DGAT2L6: variants seen among roughly 807,000 people sequenced by gnomAD.
DGAT2L6 encodes the protein diacylglycerol O-acyltransferase 2-like protein 6.
A neutral mutation model predicts 25.5 loss-of-function variants in DGAT2L6; 22 were observed. The ratio of observed to expected loss-of-function variants is 0.86; its 90% CI spans 0.62 to 1.23. The LOEUF is 1.23. DGAT2L6 is among the 50% of genes most tolerant of loss of function. The pLI is 0.00. For missense variants in DGAT2L6, 287 were observed against 253.2 expected (o/e 1.13, Z -0.91); for synonymous variants, 100 against 94.7 (o/e 1.06, Z -0.32).
intron 1 of DGAT2L6, among the ~76,000 whole-genome samples, chrX:70,179,792 TGC>T (rs1254096917): frequency 9.1e-6 from 1 of 109,922 alleles, no homozygotes; most frequent in Non-Finnish European, 1.9e-5. Flanking sequence ...GTTCTCAAAC[TGC>T]TGACCTCAGG....
chrX:70,196,721 G>C (rs2085393268), intron 1 of DGAT2L6, among the ~76,000 whole-genome samples: 1 of 110,630 alleles, frequency 9.0e-6, no homozygotes, highest in African/African-American at 3.3e-5. Context: ...GATAGACACA[G>C]ATTAGGAGAA....
intron 1 of DGAT2L6, among the ~76,000 whole-genome samples, chrX:70,198,516 T>TTTGTTG (rs201445481): frequency 9.1e-6 from 1 of 110,097 alleles, no homozygotes; most frequent in Non-Finnish European, 1.9e-5. Context: ...GTAGGGCAGT[T>TTTGTTG]TTGTTGTTGT....
intron 1 of DGAT2L6, among the ~76,000 whole-genome samples, chrX:70,181,872 A>G (rs2085344289): frequency 8.9e-6 from 1 of 111,998 alleles, no homozygotes; most frequent in African/African-American, 3.2e-5. Flanking sequence ...CATCAGACTT[A>G]GATGGCAATT....
chrX:70,199,312 A>T lies in DGAT2L6; in HGVS notation c.127A>T (p.Ser43Cys), dbSNP rs1428089152. The stretch of plus-strand genomic sequence containing the variant: ...CCTTATACCCTACTTTCTGTTATTC[A>T]GTAAGTTCTGGCCCTTGGCTGTGCT... ...ILLIPYFLLF[S>C]KFWPLAVLSL... Residue 43 changes from serine to cysteine, a missense_variant, in exon 2 of 7, where the codon AGT (serine) becomes TGT (cysteine). Physicochemically the swap from Ser to Cys is moderately radical, Grantham distance 112. Transcript: ENST00000333026. 1 of 1,195,005 alleles carries T rather than the reference A, an allele frequency of 8.4e-7. No individual in the cohort carries two copies.
rs754214922 is a variant in DGAT2L6, at chrX:70,192,044, G to A, written c.86-7227G>A. On this transcript the variant is annotated intron_variant, in intron 1 of 6. Transcript: ENST00000333026. ...GGAGGATTGCTTGAGGCCAGTTTGA[G>A]ACCAGCTGGGGCAACATAGTGAGAC... Among the ~76,000 whole-genome samples the A allele has an allele frequency of 4.5e-5, 5 of 111,487 alleles. No homozygotes were observed. The South Asian group carries it at 1.9e-3, about 43-fold the overall frequency.
At chrX:70,200,586 C>T (rs5980904) in intron 4 of DGAT2L6, 127 bp downstream of exon 4, 156 of 605,958 alleles carry the variant, frequency 2.6e-4, no homozygotes, top group African/African-American at 2.3e-3. Flanking sequence ...ACCCTGGGCC[C>T]GTAACAGGAG....
intron 1 of DGAT2L6, among the ~76,000 whole-genome samples, chrX:70,195,829 T>C (rs2085389370): frequency 9.0e-6 from 1 of 111,721 alleles, no homozygotes; most frequent in African/African-American, 3.3e-5. Context: ...AGGAAAAATT[T>C]GTCAAAGGGC....
intron 5 of DGAT2L6, 87 bp downstream of exon 5, chrX:70,202,151 T>C (rs2085412952): frequency 2.3e-6 from 2 of 856,256 alleles, no homozygotes; most frequent in African/African-American, 4.3e-5. Flanking sequence ...CCTGGGCACC[T>C]GTTAGAGGGC....
intron 1 of DGAT2L6, among the ~76,000 whole-genome samples, chrX:70,194,307 T>C (rs2085384285): frequency 8.9e-6 from 1 of 111,823 alleles, no homozygotes; most frequent in African/African-American, 3.3e-5. Context: ...ATTATTAACA[T>C]GTCTATACTA....
Position 70,200,395 on chromosome X carries a change from C to G in DGAT2L6, c.408C>G (p.Pro136=). ...GIARIFPSIT[P]FVGTLERIFW... The stretch of plus-strand genomic sequence containing the variant: ...CTCGGATTTTCCCATCCATCACTCC[C>G]TTTGTAGGGACCTTAGAAAGGATAT... The change falls in exon 4 of 7, where the codon CCC becomes CCG. Residue 136 remains proline, a synonymous_variant. Coordinates refer to ENST00000333026, the MANE Select transcript of DGAT2L6 (RefSeq NM_198512.3). The G allele has an allele frequency of 2.5e-6, 3 of 1,211,945 alleles. No homozygotes were observed. The highest frequency in any genetic ancestry group is 3.3e-6 in the Non-Finnish European group (3 of 895,562).
At chrX:70,203,458 G>T (rs749479877) in intron 5 of DGAT2L6, among the ~76,000 whole-genome samples, 1 of 112,137 alleles carries the variant, frequency 8.9e-6, no homozygotes, top group African/African-American at 3.2e-5. Context: ...CATCTGAACT[G>T]TGAATTGAAA....
chrX:70,183,683 A>G (rs1248508525), intron 1 of DGAT2L6, among the ~76,000 whole-genome samples: 1 of 111,447 alleles, frequency 9.0e-6, no homozygotes, highest in Non-Finnish European at 1.9e-5. Context: ...TCTCCCTTGG[A>G]CATCCTTTTT....
rs969878816 is a variant in DGAT2L6 at position 70,199,338 on chromosome X, C to G, written c.153C>G (p.Leu51=). ...LFSKFWPLAV[L]SLAWLTYDWN... ...GTAAGTTCTGGCCCTTGGCTGTGCT[C>G]TCCTTAGCCTGGCTCACCTATGATT... The change falls in exon 2 of 7, where the codon CTC becomes CTG. Residue 51 remains leucine (L), a synonymous_variant. Transcript: ENST00000333026. 1.7e-6 allele frequency: 2 copies of G among 1,195,010 alleles called. No homozygotes were observed. Among genetic ancestry groups the G allele is most frequent in the East Asian group, 3.0e-5 (1 of 33,456 alleles).
chrX:70,201,953 C>T lies in DGAT2L6; in HGVS notation c.536C>T (p.Ala179Val). The T allele has an allele frequency of 8.3e-7, 1 of 1,209,365 alleles. No individual in the cohort carries two copies. Among genetic ancestry groups the T allele is most frequent in the Non-Finnish European group, 1.1e-6 (1 of 894,407 alleles). ...YLLTQKGSGN[A>V]VVIVVGGAAE... Reference sequence around the variant, plus strand: ...CTGACCCAGAAAGGCTCAGGCAATGCCGTGGTTATTGTGGTGGGTGGAGCT... The same window carrying T: ...CTGACCCAGAAAGGCTCAGGCAATGTCGTGGTTATTGTGGTGGGTGGAGCT... Residue 179 changes from alanine (A) to valine (V), a missense_variant, in exon 5 of 7, where the codon GCC becomes GTC. By Grantham distance (64) the Ala-to-Val change is moderately conservative. Coordinates refer to ENST00000333026, the MANE Select transcript of DGAT2L6 (RefSeq NM_198512.3).
In DGAT2L6 at chrX:70,200,465, T is replaced by C. The variant is rs1267368565; in HGVS notation, c.472+6T>C. On this transcript the variant is annotated splice_donor_region_variant and intron_variant, in intron 4 of 6. Transcript: ENST00000333026. Reference sequence around the variant, plus strand: ...AGAATATGTGATGTCAATGGGTGAGTATAAGAAATAATTAATTCTATTTTT... The same window carrying C: ...AGAATATGTGATGTCAATGGGTGAGCATAAGAAATAATTAATTCTATTTTT... 8.3e-7 allele frequency: 1 copy of C among 1,202,560 alleles called. No individual in the cohort carries two copies.
chrX:70,205,266 G>A lies in DGAT2L6; in HGVS notation c.*160G>A, dbSNP rs2085425390. ...AATAAATCAGAGTTCTAGCAATAGA[G>A]TCCTCTCCCAAGTGGCTGAGGCAGG... On this transcript the variant is annotated 3_prime_UTR_variant, in exon 7 of 7. Transcript: ENST00000333026. The A allele has an allele frequency of 4.6e-6, 3 of 645,743 alleles. No homozygotes were observed. Among genetic ancestry groups the A allele is most frequent in the Admixed American group, 1.1e-4 (2 of 17,963 alleles). 53.2% of individuals were successfully genotyped at this position (645,743 alleles called of 1,213,427 possible). A position where few individuals can be genotyped will look rare whatever the true frequency, so the allele number is the denominator to read the frequency against.
At chrX:70,202,388 C>T (rs1288611532) in intron 5 of DGAT2L6, among the ~76,000 whole-genome samples, 1 of 111,889 alleles carries the variant, frequency 8.9e-6, no homozygotes, top group Non-Finnish European at 1.9e-5. Context: ...AAGAATCTAC[C>T]AACTGCAAGG....
Position 70,202,008 on chromosome X carries a change from C to T in DGAT2L6, c.591C>T (p.Ala197=). 8.3e-7 allele frequency: 1 copy of T among 1,208,425 alleles called. No homozygotes were observed. The highest frequency in any genetic ancestry group is 1.1e-6 in the Non-Finnish European group (1 of 894,310). The change falls in exon 5 of 7, where the codon GCC becomes GCT. Residue 197 remains alanine, a synonymous_variant. Coordinates refer to ENST00000333026, the MANE Select transcript of DGAT2L6 (RefSeq NM_198512.3). Reference sequence around the variant, plus strand: ...AAGCTCTCTTGTGCCGACCAGGAGCCTCCACTCTCTTCCTCAAGCAGCGTA... The same window carrying T: ...AAGCTCTCTTGTGCCGACCAGGAGCTTCCACTCTCTTCCTCAAGCAGCGTA... The part of the protein sequence containing the change: ...AAEALLCRPG[A]STLFLKQRKG...
At chrX:70,192,213 C>T (rs746319450) in intron 1 of DGAT2L6, among the ~76,000 whole-genome samples, 5 of 112,172 alleles carry the variant, frequency 4.5e-5, no homozygotes, top group African/African-American at 1.6e-4. Flanking sequence ...GAGCATGCCA[C>T]TGCACTTCAG....
Sources: allele counts gnomAD v4.1 joint callset (sites outside exome capture counted in the v4.1 genomes callset), GRCh38; gene constraint gnomAD v4.1.1; transcripts MANE v1.5; gene names NCBI Gene and HGNC (gene_info 2026-07-23, HGNC 2026-07-21).